KLHL29: variants seen among roughly 807,000 people sequenced by gnomAD.
KLHL29 encodes kelch like family member 29.
KLHL29 carries 21 observed loss-of-function variants against 80.4 expected under a neutral mutation model. The observed-to-expected ratio is 0.26, with a 90% CI of 0.19 to 0.38. The LOEUF is 0.38. Among genes scored for constraint, KLHL29 ranks in the 10% least tolerant of loss-of-function variants. KLHL29 has a pLI of 1.00. For synonymous variants in KLHL29, 511 were observed against 526.8 expected (o/e 0.97, Z 0.41); for missense variants, 867 against 1,223.9 (o/e 0.71, Z 4.35).
chr2:23,525,593 C>G (rs544325209), intron 2 of KLHL29, among the ~76,000 whole-genome samples: 16 of 152,296 alleles, frequency 1.1e-4, no homozygotes, highest in African/African-American at 3.8e-4. Context: ...GGAGGAGATG[C>G]AGGAGCAAGG....
chr2:23,517,530 G>A (rs913420330), intron 2 of KLHL29, among the ~76,000 whole-genome samples: 3 of 152,254 alleles, frequency 2.0e-5, no homozygotes, highest in African/African-American at 7.2e-5. Context: ...TGCCGACAGA[G>A]CGAGACTCCG....
intron 3 of KLHL29, among the ~76,000 whole-genome samples, chr2:23,614,895 G>A (rs1668962978): frequency 6.6e-6 from 1 of 152,164 alleles, no homozygotes; most frequent in African/African-American, 2.4e-5. Flanking sequence ...CCCAAGAGAG[G>A]GGCGCCCTGG....
chr2:23,534,612 T>G (rs1309817653), intron 2 of KLHL29, among the ~76,000 whole-genome samples: 1 of 152,044 alleles, frequency 6.6e-6, no homozygotes, highest in Non-Finnish European at 1.5e-5. Context: ...GCTCAGTGTC[T>G]CTCCAGCTAC....
intron 1 of KLHL29, among the ~76,000 whole-genome samples, chr2:23,405,731 C>T (rs762499272): frequency 6.6e-6 from 1 of 152,208 alleles, no homozygotes; most frequent in Admixed American, 6.5e-5. Context: ...TGGTAAGGAG[C>T]TCAGCCCAAG....
At chr2:23,639,548 C>A (rs928075851) in intron 4 of KLHL29, among the ~76,000 whole-genome samples, 17 of 152,220 alleles carry the variant, frequency 1.1e-4, no homozygotes, top group African/African-American at 4.1e-4. Flanking sequence ...AGTCTAGATT[C>A]TTTTGAATCA....
intron 11 of KLHL29, among the ~76,000 whole-genome samples, chr2:23,698,185 A>C (rs6756280): frequency 6.6e-6 from 1 of 152,022 alleles, no homozygotes; most frequent in Non-Finnish European, 1.5e-5. Context: ...GCATGGGCAC[A>C]GTGTGAGCGA....
rs550616054 is a variant in KLHL29, at chr2:23,473,068, C to A, written c.-153-2492C>A. Reference sequence around the variant, plus strand: ...TGAGCATAATGGTCAGGGGAAGGAGCTATTACAGGAATCCAGAGAGAGAGC... The same window carrying A: ...TGAGCATAATGGTCAGGGGAAGGAGATATTACAGGAATCCAGAGAGAGAGC... On this transcript the variant is annotated intron_variant, in intron 1 of 13. Coordinates refer to ENST00000486442, the MANE Select transcript of KLHL29 (RefSeq NM_052920.2). Among the ~76,000 whole-genome samples the A allele has an allele frequency of 3.9e-5, 6 of 152,150 alleles. No individual in the cohort carries two copies. In the East Asian group the frequency reaches 1.2e-3, roughly 29 times the overall value.
At chr2:23,600,104 C>T (rs1028075409) in intron 3 of KLHL29, among the ~76,000 whole-genome samples, 2 of 152,170 alleles carry the variant, frequency 1.3e-5, no homozygotes, top group South Asian at 2.1e-4. Context: ...GCAGCCCAAG[C>T]TGGAGGTTGG....
In KLHL29 at chr2:23,639,231, G is replaced by A; in HGVS notation, c.378G>A (p.Trp126Ter). The A allele has an allele frequency of 6.5e-7, 1 of 1,548,982 alleles. No individual in the cohort carries two copies. Among genetic ancestry groups the A allele is most frequent in the Non-Finnish European group, 8.7e-7 (1 of 1,145,828 alleles). The change falls in exon 4 of 14, where the codon TGG becomes TGA. Residue 126 changes from tryptophan (W) to a stop codon, truncating the protein, a stop_gained. Transcript: ENST00000486442. LOFTEE classifies it high-confidence loss of function. ...CGCCTATCAATCAGTCCACACCCTG[G>A]GACACTGATGAGCCACCCTCCAAAC... ...GQTPINQSTP[W>*]DTDEPPSKQM...
intron 1 of KLHL29, among the ~76,000 whole-genome samples, chr2:23,386,397 C>T (rs1051242904): frequency 3.3e-5 from 5 of 152,218 alleles, no homozygotes; most frequent in Admixed American, 1.3e-4. Context: ...GGAGGGAACC[C>T]GCACAGACCT....
At position 23,434,320 on chromosome 2, in the gene KLHL29, CAAAAAAAA is replaced by C. The variant is rs34991893; in HGVS notation, c.-153-41222_-153-41215del. 1.3e-4 allele frequency among the ~76,000 whole-genome samples: 7 copies of C among 54,918 alleles called. 1 individual carries two copies. Among genetic ancestry groups the C allele is most frequent in the Admixed American group, 5.2e-4 (2 of 3,850 alleles). 36.0% of individuals were successfully genotyped at this position (54,918 alleles called of 152,430 possible). A position where few individuals can be genotyped will look rare whatever the true frequency, so the allele number is the denominator to read the frequency against. On this transcript the variant is annotated intron_variant, in intron 1 of 13. Transcript: ENST00000486442. ...TGGGAGACACAGCGAGACTCCGTCT[CAAAAAAAA>C]AAAAAAAAAAAAAAAAAGCTAGGCT...
chr2:23,649,318 C>T (rs73919798), intron 5 of KLHL29, among the ~76,000 whole-genome samples: 13,432 of 152,282 alleles, frequency 0.088, 1,141 homozygotes, highest in African/African-American at 0.22. Flanking sequence ...CAAGGTTCTT[C>T]GTCCTCGCCT....
At chr2:23,605,258 C>A (rs1034364506) in intron 3 of KLHL29, among the ~76,000 whole-genome samples, 2 of 151,880 alleles carry the variant, frequency 1.3e-5, no homozygotes, top group Non-Finnish European at 2.9e-5. Context: ...ACTACACAGC[C>A]AGCTAATTTT....
At chr2:23,463,279 T>G (rs1169905640) in intron 1 of KLHL29, among the ~76,000 whole-genome samples, 1 of 152,264 alleles carries the variant, frequency 6.6e-6, no homozygotes, top group African/African-American at 2.4e-5. Context: ...TGCAATAATT[T>G]GTTATGATTC....
At chr2:23,421,725 CTGTGT>C (rs1662813970) in intron 1 of KLHL29, among the ~76,000 whole-genome samples, 1 of 145,036 alleles carries the variant, frequency 6.9e-6, no homozygotes, top group African/African-American at 2.6e-5. Context: ...TAGTGTGTCT[CTGTGT>C]TGTGTGTATG....
chr2:23,419,529 T>C (rs1318265068), intron 1 of KLHL29, among the ~76,000 whole-genome samples: 1 of 152,210 alleles, frequency 6.6e-6, no homozygotes, highest in Non-Finnish European at 1.5e-5. Context: ...ACTCATCTCT[T>C]TAATCACTGT....
intron 1 of KLHL29, among the ~76,000 whole-genome samples, chr2:23,393,409 C>G (rs997395563): frequency 2.6e-5 from 4 of 152,212 alleles, no homozygotes; most frequent in Non-Finnish European, 5.9e-5. Flanking sequence ...CTTGGAGCTT[C>G]ATCGTTGCAG....
Position 23,680,783 on chromosome 2 carries a change from C to T in KLHL29, c.941-3616C>T. On this transcript the variant is annotated intron_variant, in intron 5 of 13. Transcript: ENST00000486442. This position sits in a 1 kb window ranked among gnomAD's most constrained non-coding sequence, Gnocchi z 4.1. ...TCTCCTGGGGTCTCTAGGCCATCTT[C>T]TCCTGGGGTCTCTAGGCCATCTTCT... 6.6e-6 allele frequency among the ~76,000 whole-genome samples: 1 copy of T among 151,390 alleles called. No individual in the cohort carries two copies. Among genetic ancestry groups the T allele is most frequent in the Non-Finnish European group, 1.5e-5 (1 of 67,754 alleles).
Position 23,706,719 on chromosome 2 carries a change from A to C in KLHL29, c.*55A>C. ...GGACAAGTCTGGTGAGGCAAGTGCC[A>C]CGCAATGATAATTTTCCAGCGACAC... On this transcript the variant is annotated 3_prime_UTR_variant, in exon 14 of 14. Coordinates refer to ENST00000486442, the MANE Select transcript of KLHL29 (RefSeq NM_052920.2). The C allele has an allele frequency of 7.6e-7, 1 of 1,316,614 alleles. No homozygotes were observed. The highest frequency in any genetic ancestry group is 1.0e-6 in the Non-Finnish European group (1 of 1,000,148). 81.6% of individuals were successfully genotyped at this position (1,316,614 alleles called of 1,614,324 possible). A position where few individuals can be genotyped will look rare whatever the true frequency, so the allele number is the denominator to read the frequency against.
Sources: allele counts gnomAD v4.1 joint callset (sites outside exome capture counted in the v4.1 genomes callset), GRCh38; gene constraint gnomAD v4.1.1; non-coding constraint Gnocchi (gnomAD v3.1); transcripts MANE v1.5; gene names NCBI Gene and HGNC (gene_info 2026-07-23, HGNC 2026-07-21).